UBA6: variants seen among roughly 807,000 people sequenced by gnomAD.
The protein encoded by UBA6 is ubiquitin-like modifier-activating enzyme 6.
UBA6 carries 87 observed loss-of-function variants against 148.3 expected under a neutral mutation model. That is an observed-to-expected ratio of 0.59 (90% CI 0.49 to 0.70). The LOEUF (loss-of-function observed/expected upper bound fraction) is 0.70, where lower values mean the gene tolerates loss of function less well. UBA6 is among the 30% of genes least tolerant of loss of function. The probability of loss-of-function intolerance (pLI) is 0.00; values close to 1 mark genes in which losing one functional copy is unlikely to be tolerated. For missense variants in UBA6, 1,186 were observed against 1,241.2 expected, an observed-to-expected ratio of 0.96 and a Z score of 0.67; for synonymous variants, 376 against 401.0, an observed-to-expected ratio of 0.94 and a Z score of 0.75.
At chr4:67,676,083 G>C (rs1730273696) in intron 6 of UBA6, among the ~76,000 whole-genome samples, 1 of 148,966 alleles carries the variant, frequency 6.7e-6, no homozygotes, top group Non-Finnish European at 1.5e-5. Context: ...GAGTGCAGTG[G>C]CTCAATTTTG....
In UBA6 at chr4:67,662,944, T is replaced by A. The variant is rs1729900928; in HGVS notation, c.1037+195A>T. 4 of 428,012 alleles carry A rather than the reference T, an allele frequency of 9.3e-6. No homozygotes were observed. The South Asian group carries it at 2.5e-4, about 26-fold the overall frequency. The allele number at this position is 428,012 out of a possible 1,614,324, so 26.5% of individuals were successfully genotyped here. On this transcript the variant is annotated intron_variant, in intron 12 of 32. Coordinates refer to ENST00000322244, the MANE Select transcript of UBA6 (RefSeq NM_018227.6). ...AAAGTGGAAAAATTCACATTTAGTA[T>A]GATTCCACTTTTATAAACCAAATTT... is the stretch of plus-strand genomic sequence containing the variant.
chr4:67,641,449 A>G (rs1392938695), intron 17 of UBA6, among the ~76,000 whole-genome samples: 1 of 152,220 alleles, frequency 6.6e-6, no homozygotes, highest in Non-Finnish European at 1.5e-5. Context: ...CAAACAAAAT[A>G]GCTGAGGCCA....
intron 6 of UBA6, among the ~76,000 whole-genome samples, chr4:67,675,062 G>A (rs1730245423): frequency 6.6e-6 from 1 of 152,192 alleles, no homozygotes. Flanking sequence ...TAGAGACGGG[G>A]TTTCGCCATG....
chr4:67,694,042 G>A (rs960544548), intron 2 of UBA6, among the ~76,000 whole-genome samples: 4 of 151,182 alleles, frequency 2.6e-5, no homozygotes, highest in Non-Finnish European at 2.9e-5. Context: ...GTGAAACCCC[G>A]CCTCTACTAA....
At chr4:67,672,863 C>T (rs1160986878) in intron 7 of UBA6, among the ~76,000 whole-genome samples, 12 of 152,172 alleles carry the variant, frequency 7.9e-5, no homozygotes, top group Admixed American at 4.6e-4. Flanking sequence ...CTCTAACCTT[C>T]TAATCTAAGA....
intron 18 of UBA6, 72 bp downstream of exon 18, chr4:67,641,079 T>A (rs559511853): frequency 1.1e-6 from 1 of 919,918 alleles, no homozygotes; most frequent in Non-Finnish European, 1.7e-6. Context: ...CAATCACTAT[T>A]TTCTATTTAT....
In UBA6 at chr4:67,663,869, C is replaced by A. The variant is rs113735712; in HGVS notation, c.960+16G>T. The A allele has an allele frequency of 3.8e-4, 620 of 1,611,228 alleles. 6 individuals carry two copies. The African/African-American group carries it at 7.3e-3, about 19-fold the overall frequency. ...GATTCTGCTGCCTCTCTCAAACCTGCAAAGTGTTTATTTACCTCAGGGTTG... is the reference window on the plus strand; with the variant it reads ...GATTCTGCTGCCTCTCTCAAACCTGAAAAGTGTTTATTTACCTCAGGGTTG... On this transcript the variant is annotated intron_variant, in intron 11 of 32. Transcript: ENST00000322244.
Position 67,701,141 on chromosome 4 carries a change from C to CTGA in UBA6, c.-23_-22insTCA. ...CCATTGCCGCCTGAGACACCGCCGCCGGCTACTGGAAGGTAGGAAGGGGCG... is the reference window on the plus strand; with the variant it reads ...CCATTGCCGCCTGAGACACCGCCGCCTGAGGCTACTGGAAGGTAGGAAGGGGCG... On this transcript the variant is annotated 5_prime_UTR_variant, in exon 1 of 33. Transcript: ENST00000322244. 6.3e-7 allele frequency: 1 copy of CTGA among 1,598,518 alleles called. No individual in the cohort carries two copies. The highest frequency in any genetic ancestry group is 1.1e-5 in the South Asian group (1 of 90,840).
intron 2 of UBA6, among the ~76,000 whole-genome samples, chr4:67,685,866 C>T (rs983264791): frequency 2.0e-5 from 3 of 152,154 alleles, no homozygotes; most frequent in Admixed American, 1.3e-4. Context: ...CTTGATCTTA[C>T]ACTTCCTAGC....
At chr4:67,632,959 T>G (rs1253131733) in intron 23 of UBA6, among the ~76,000 whole-genome samples, 1 of 152,196 alleles carries the variant, frequency 6.6e-6, no homozygotes, top group Non-Finnish European at 1.5e-5. Flanking sequence ...TAATATTTAG[T>G]AATTTTTTAT....
chr4:67,631,819 A>G lies in UBA6; in HGVS notation c.2194+38T>C, dbSNP rs568939649. 2.5e-5 allele frequency: 41 copies of G among 1,610,298 alleles called. No individual in the cohort carries two copies. In the South Asian group the frequency reaches 3.9e-4, roughly 15 times the overall value. The stretch of plus-strand genomic sequence containing the variant: ...ATTTTCAATGTATGTAGCCAGTAAT[A>G]AATGTCATTAAAATTTATTCTCAAC... On this transcript the variant is annotated intron_variant, in intron 24 of 32. Transcript: ENST00000322244.
intron 5 of UBA6, among the ~76,000 whole-genome samples, chr4:67,678,081 TAATA>T (rs1038306422): frequency 6.8e-6 from 1 of 146,848 alleles, no homozygotes; most frequent in African/African-American, 2.5e-5. Context: ...TTTATATATA[TAATA>T]TATATAAAAG....
At chr4:67,658,467 C>A (rs752382000) in intron 13 of UBA6, among the ~76,000 whole-genome samples, 6 of 152,094 alleles carry the variant, frequency 3.9e-5, no homozygotes, top group African/African-American at 1.4e-4. Flanking sequence ...CCAAATACCA[C>A]GTGTTCTCAC....
intron 2 of UBA6, 108 bp downstream of exon 2, chr4:67,696,537 A>G (rs909706916): frequency 3.6e-5 from 28 of 777,892 alleles, no homozygotes; most frequent in Admixed American, 2.1e-4. Context: ...ACACACACAC[A>G]CACACATATA....
At chr4:67,635,712 A>C (rs1260595519) in intron 19 of UBA6, among the ~76,000 whole-genome samples, 154 bp from the exon 20 acceptor site, 1 of 152,216 alleles carries the variant, frequency 6.6e-6, no homozygotes, top group African/African-American at 2.4e-5. Context: ...CAAACAGTGG[A>C]TCATTCCTGT....
At chr4:67,680,874 T>C (rs1299090761) in intron 4 of UBA6, among the ~76,000 whole-genome samples, 1 of 152,192 alleles carries the variant, frequency 6.6e-6, no homozygotes, top group Non-Finnish European at 1.5e-5. Context: ...GGGTGACCTT[T>C]GGTCAAGAGC....
rs1729381606 is a variant in UBA6, at chr4:67,644,692, T to C, written c.1476+6A>G. ...AACTTTTAACTCTCAAGAATTGATA[T>C]CTTACCATTCCTTTCTCTTTGCTTG... On this transcript the variant is annotated splice_donor_region_variant and intron_variant, in intron 17 of 32. Transcript: ENST00000322244. The C allele has an allele frequency of 3.2e-6, 5 of 1,544,378 alleles. No homozygotes were observed. The East Asian group carries it at 1.1e-4, about 35-fold the overall frequency.
At chr4:67,660,772 T>C (rs1729831103) in intron 13 of UBA6, among the ~76,000 whole-genome samples, 1 of 152,126 alleles carries the variant, frequency 6.6e-6, no homozygotes, top group Non-Finnish European at 1.5e-5. Flanking sequence ...CAACGAAAGC[T>C]TGGACCATGA....
intron 23 of UBA6, among the ~76,000 whole-genome samples, chr4:67,633,111 G>A (rs983869745): frequency 1.3e-5 from 2 of 152,176 alleles, no homozygotes; most frequent in South Asian, 4.1e-4. Context: ...GGGTGGAAAT[G>A]GCAAAATCTC....
Sources: gnomAD v4.1 joint callset for allele counts (sites outside exome capture counted in the v4.1 genomes callset) on GRCh38, gnomAD v4.1.1 for gene constraint, MANE v1.5 for transcripts, NCBI Gene and HGNC (gene_info 2026-07-23, HGNC 2026-07-21) for gene names.